ABR: variants seen among roughly 807,000 people sequenced by gnomAD.
The protein encoded by ABR is active breakpoint cluster region-related protein.
In ABR, 35 loss-of-function variants were observed where a neutral mutation model predicts 107.2. That is an observed-to-expected ratio of 0.33 (90% CI 0.25 to 0.43). The LOEUF (loss-of-function observed/expected upper bound fraction) is 0.43, where lower values mean the gene tolerates loss of function less well. Among genes scored for constraint, ABR ranks in the 20% least tolerant of loss-of-function variants. The pLI, the probability that ABR is intolerant of heterozygous loss-of-function variation, is 1.00. For missense variants in ABR, 815 were observed against 1,115.2 expected (o/e 0.73, Z 3.83); for synonymous variants, 498 against 462.0 (o/e 1.08, Z -1.00).
At chr17:1,061,606 G>C (rs2033935986) in intron 10 of ABR, among the ~76,000 whole-genome samples, 1 of 151,976 alleles carries the variant, frequency 6.6e-6, no homozygotes, top group Non-Finnish European at 1.5e-5. Flanking sequence ...GAGTGCAGTG[G>C]CGTGATCTCG....
intron 4 of ABR, among the ~76,000 whole-genome samples, chr17:1,091,291 G>A (rs907788197): frequency 1.3e-5 from 2 of 151,982 alleles, no homozygotes; most frequent in South Asian, 4.2e-4. Context: ...CTCCGGGAGA[G>A]AGAGGGAGCA....
rs1285138889 is a variant in ABR, at chr17:1,010,436, C to T, written c.2236+293G>A. 1 of 434,870 alleles carries T rather than the reference C, an allele frequency of 2.3e-6. No homozygotes were observed. The highest frequency in any genetic ancestry group is 4.4e-5 in the East Asian group (1 of 22,744). 26.9% of individuals were successfully genotyped at this position (434,870 alleles called of 1,614,324 possible). On this transcript the variant is annotated intron_variant, in intron 20 of 22. Coordinates refer to ENST00000302538, the MANE Select transcript of ABR (RefSeq NM_021962.5). This position sits in a 1 kb window ranked among gnomAD's most constrained non-coding sequence, Gnocchi z 4.1. ...TTCTGGCCACTCACCTCAGGGCAGTCTTCCCTGGATGCTCGAGCTTCCAAG... is the reference window on the plus strand; with the variant it reads ...TTCTGGCCACTCACCTCAGGGCAGTTTTCCCTGGATGCTCGAGCTTCCAAG...
At chr17:1,035,001 C>T (rs2073061516) in intron 16 of ABR, among the ~76,000 whole-genome samples, 1 of 152,134 alleles carries the variant, frequency 6.6e-6, no homozygotes, top group Admixed American at 6.5e-5. Context: ...TCCATGGTGA[C>T]ATAAGTGCCT....
At chr17:1,013,253 T>C (rs1457312872) in intron 16 of ABR, 89 bp from the exon 17 acceptor site, 3 of 1,277,376 alleles carry the variant, frequency 2.3e-6, no homozygotes, top group African/African-American at 3.0e-5. Context: ...CAGAGCCAGC[T>C]ACACAGTCAG....
At chr17:1,058,260 C>T (rs2033569025) in intron 11 of ABR, among the ~76,000 whole-genome samples, 1 of 151,922 alleles carries the variant, frequency 6.6e-6, no homozygotes, top group Non-Finnish European at 1.5e-5. Flanking sequence ...CTGCCTCAGC[C>T]TCCTGAGTAG....
At chr17:1,086,750 C>T (rs2036617885) in intron 4 of ABR, among the ~76,000 whole-genome samples, 1 of 152,172 alleles carries the variant, frequency 6.6e-6, no homozygotes, top group African/African-American at 2.4e-5. Context: ...ATCCACCCGC[C>T]TCCGCCTCCC....
intron 16 of ABR, among the ~76,000 whole-genome samples, chr17:1,018,265 A>C (rs1055060908): frequency 6.7e-6 from 1 of 149,500 alleles, no homozygotes; most frequent in Non-Finnish European, 1.5e-5. Context: ...GATGGTCTTG[A>C]TCTCCTGACC....
rs116497957 is a variant in ABR at position 1,126,128 on chromosome 17, C to G, written c.62-761G>C. ...CCACTTGGGCTCCAGAGCCCAGGCA[C>G]GGAGCCCACCCACCTTGGGAGGGGA... On this transcript the variant is annotated intron_variant, in intron 1 of 22. Transcript: ENST00000302538. Among the ~76,000 whole-genome samples the G allele has an allele frequency of 2.6e-5, 4 of 152,282 alleles. 1 individual carries two copies. The highest frequency in any genetic ancestry group is 1.9e-4 in the East Asian group (1 of 5,182).
chr17:1,162,480 C>T (rs2041340219), intron 1 of ABR, among the ~76,000 whole-genome samples: 1 of 152,218 alleles, frequency 6.6e-6, no homozygotes, highest in South Asian at 2.1e-4. Flanking sequence ...CCCCAGCTCC[C>T]CACTGTGGGC....
At chr17:1,159,700 A>T (rs1487502632) in intron 1 of ABR, among the ~76,000 whole-genome samples, 1 of 84,930 alleles carries the variant, frequency 1.2e-5, no homozygotes, top group Non-Finnish European at 2.4e-5. Context: ...GAGAAGCAGG[A>T]ATGCGGTACT....
chr17:1,100,816 TC>T (rs1004436451), intron 2 of ABR, 81 bp from the exon 3 acceptor site: 14 of 1,316,378 alleles, frequency 1.1e-5, no homozygotes, highest in Admixed American at 1.8e-5. Context: ...TCCCTGCCCT[TC>T]CCCCCCGACC....
intron 1 of ABR, among the ~76,000 whole-genome samples, chr17:1,193,309 G>T (rs983921428): frequency 8.2e-6 from 1 of 121,920 alleles, no homozygotes; most frequent in African/African-American, 2.6e-5. Context: ...GGACTCCCCC[G>T]CTCTCCCGGC....
chr17:1,056,014 C>T (rs760624294), intron 14 of ABR, 21 bp downstream of exon 14: 17 of 1,610,820 alleles, frequency 1.1e-5, no homozygotes, highest in African/African-American at 2.7e-5. Flanking sequence ...CACCCAACCT[C>T]GTCCTGGCCA....
At chr17:1,103,835 C>T (rs909636728) in intron 2 of ABR, among the ~76,000 whole-genome samples, 2 of 152,188 alleles carry the variant, frequency 1.3e-5, no homozygotes, top group Non-Finnish European at 2.9e-5. Flanking sequence ...ACAGGAGACC[C>T]GTTGCTCAGT....
intron 2 of ABR, among the ~76,000 whole-genome samples, chr17:1,113,876 T>TA (rs1385943328): frequency 3.9e-5 from 6 of 152,202 alleles, no homozygotes; most frequent in Non-Finnish European, 8.8e-5. Flanking sequence ...ACGAATAAAC[T>TA]ATACATATAG....
chr17:1,200,550 T>C lies in ABR; in HGVS notation c.838+28243A>G, dbSNP rs539769926. 3.6e-3 allele frequency among the ~76,000 whole-genome samples: 547 copies of C among 152,118 alleles called. 1 individual carries two copies. The highest frequency in any genetic ancestry group is 6.4e-3 in the Non-Finnish European group (433 of 68,012). ...GTGTAATTGGAGTGGCTCTCCAGAC[T>C]GTGCCCAGGAATTTCTCAGCCTGAT... On this transcript the variant is annotated intron_variant, in intron 1 of 22. Transcript: ENST00000574139. This position sits in a 1 kb window ranked among gnomAD's most constrained non-coding sequence, Gnocchi z 4.1.
At chr17:1,126,924 A>G (rs1348100890) in intron 1 of ABR, among the ~76,000 whole-genome samples, 1 of 152,212 alleles carries the variant, frequency 6.6e-6, no homozygotes, top group Non-Finnish European at 1.5e-5. Flanking sequence ...CTGAGGCTTC[A>G]GCCAAGTCCC....
At chr17:1,117,144 T>C (rs1275308805) in intron 2 of ABR, among the ~76,000 whole-genome samples, 28 of 6,534 alleles carry the variant, frequency 4.3e-3, no homozygotes, top group African/African-American at 8.3e-3. Context: ...GAGCCTGAGT[T>C]CCTCCCAGCG....
intron 1 of ABR, among the ~76,000 whole-genome samples, chr17:1,173,073 C>T (rs2041785370): frequency 9.2e-6 from 1 of 108,290 alleles, no homozygotes; most frequent in Non-Finnish European, 2.0e-5. Context: ...CAACACATCA[C>T]CTCAGTCCAC....
Sources: allele counts gnomAD v4.1 joint callset (sites outside exome capture counted in the v4.1 genomes callset), GRCh38; gene constraint gnomAD v4.1.1; non-coding constraint Gnocchi (gnomAD v3.1); transcripts MANE v1.5; gene names NCBI Gene and HGNC (gene_info 2026-07-23, HGNC 2026-07-21).